UGGT1: variants seen among roughly 807,000 people sequenced by gnomAD.
UGGT1 encodes the protein UDP-glucose glycoprotein glucosyltransferase 1, also known as UDP-glucose:glycoprotein glucosyltransferase 1.
In UGGT1, 107 loss-of-function variants were observed where a neutral mutation model predicts 203.9. That is an observed-to-expected ratio of 0.52 (90% CI 0.45 to 0.62). The LOEUF (loss-of-function observed/expected upper bound fraction) is 0.62, where lower values mean the gene tolerates loss of function less well. UGGT1 is among the 20% of genes least tolerant of loss of function. UGGT1 has a pLI of 0.00. For missense variants in UGGT1, 1,673 were observed against 1,867.2 expected, an observed-to-expected ratio of 0.90 and a Z score of 1.92; for synonymous variants, 628 against 653.5, an observed-to-expected ratio of 0.96 and a Z score of 0.59.
At chr2:128,145,509 C>A (rs148179494) in intron 17 of UGGT1, 8 of 128,090 alleles carry the variant, frequency 6.2e-5, no homozygotes, top group Non-Finnish European at 9.9e-5. Context: ...CAAACACACA[C>A]ACACACACAC....
At chr2:128,125,184 T>A (rs1003004959) in intron 11 of UGGT1, among the ~76,000 whole-genome samples, 1 of 151,962 alleles carries the variant, frequency 6.6e-6, no homozygotes, top group Non-Finnish European at 1.5e-5. Context: ...CCCCATTATG[T>A]GTGTGGGGTC....
intron 1 of UGGT1, 150 bp downstream of exon 1, chr2:128,091,565 C>T: frequency 6.9e-7 from 1 of 1,441,712 alleles, no homozygotes; most frequent in Non-Finnish European, 9.1e-7. Context: ...TCGCGAGCGC[C>T]CCGAGTTGCC....
intron 28 of UGGT1, 159 bp downstream of exon 28, chr2:128,171,443 G>A (rs752418996): frequency 2.9e-6 from 2 of 678,662 alleles, no homozygotes; most frequent in Non-Finnish European, 4.9e-6. Context: ...CTAATCAGAA[G>A]TTCTAAGAAC....
chr2:128,122,767 A>G (rs575399882), intron 10 of UGGT1, among the ~76,000 whole-genome samples: 1 of 152,216 alleles, frequency 6.6e-6, no homozygotes, highest in Non-Finnish European at 1.5e-5. Context: ...GACATCATGT[A>G]GTGAATTCTC....
chr2:128,113,056 GT>G, intron 5 of UGGT1, 27 bp from the exon 6 acceptor site: 1 of 1,454,390 alleles, frequency 6.9e-7, no homozygotes. Flanking sequence ...TATTTTTAAA[GT>G]TTTGAGCTTT....
At position 128,156,375 on chromosome 2, in the gene UGGT1, T is replaced by A; in HGVS notation, c.2237-17T>A. The A allele has an allele frequency of 6.3e-7, 1 of 1,583,478 alleles. No individual in the cohort carries two copies. The highest frequency in any genetic ancestry group is 8.7e-7 in the Non-Finnish European group (1 of 1,153,654). On this transcript the variant is annotated splice_polypyrimidine_tract_variant and intron_variant, in intron 20 of 40. Transcript: ENST00000259253. ...ATGATACTTTTTTTCTACTCTTTTCTCTTTACCTTTGTTCAGGAATGTCCT... is the reference window on the plus strand; with the variant it reads ...ATGATACTTTTTTTCTACTCTTTTCACTTTACCTTTGTTCAGGAATGTCCT...
In UGGT1 at chr2:128,152,855, T is replaced by C; in HGVS notation, c.2088T>C (p.Asn696=). 6 of 1,614,090 alleles carry C rather than the reference T, an allele frequency of 3.7e-6. No individual in the cohort carries two copies. Among genetic ancestry groups the C allele is most frequent in the Non-Finnish European group, 5.1e-6 (6 of 1,180,000 alleles). The change falls in exon 19 of 41, where the codon AAT becomes AAC. Residue 696 remains asparagine (N), a synonymous_variant. Transcript: ENST00000259253. ...AGCCAAATGTTGTTCCACGAATCAA[T>C]TCTAGGATTTTGACAGCTGAACGAG... ...MNQPNVVPRI[N]SRILTAERDY... is the part of the protein sequence containing the mutation.
intron 17 of UGGT1, 48 bp from the exon 18 acceptor site, chr2:128,145,755 C>T: frequency 6.8e-7 from 1 of 1,469,610 alleles, no homozygotes; most frequent in Non-Finnish European, 9.0e-7. Flanking sequence ...TTCCATTTGT[C>T]TCACAAAAGG....
chr2:128,175,469 G>T (rs1691324430), intron 31 of UGGT1, among the ~76,000 whole-genome samples: 1 of 152,222 alleles, frequency 6.6e-6, no homozygotes, highest in African/African-American at 2.4e-5. Context: ...GTGTGAAGAG[G>T]CTTCCCGTCA....
chr2:128,121,616 A>G (rs149674239), intron 10 of UGGT1, among the ~76,000 whole-genome samples: 2 of 152,246 alleles, frequency 1.3e-5, no homozygotes, highest in African/African-American at 4.8e-5. Flanking sequence ...TGTGTTGGCC[A>G]GGCTAGTCTT....
chr2:128,145,377 C>T (rs1689631153), intron 17 of UGGT1, among the ~76,000 whole-genome samples: 1 of 152,168 alleles, frequency 6.6e-6, no homozygotes, highest in South Asian at 2.1e-4. Flanking sequence ...TTAGTGACTA[C>T]TGCATTGGAC....
At chr2:128,147,325 A>G (rs973039046) in intron 18 of UGGT1, among the ~76,000 whole-genome samples, 13 of 152,234 alleles carry the variant, frequency 8.5e-5, no homozygotes, top group African/African-American at 3.1e-4. Flanking sequence ...CCAGATTTCT[A>G]TTTGGTTCTT....
In UGGT1 at chr2:128,190,780, A is replaced by G. The variant is rs1028516385; in HGVS notation, c.*1038A>G. The G allele has an allele frequency of 2.0e-5, 3 of 152,162 alleles. No individual in the cohort carries two copies. The highest frequency in any genetic ancestry group is 6.6e-5 in the Admixed American group (1 of 15,252). 9.4% of individuals were successfully genotyped at this position (152,162 alleles called of 1,614,324 possible). A position where few individuals can be genotyped will look rare whatever the true frequency, so the allele number is the denominator to read the frequency against. ...ACATTGCCTTGGACTTTTCTCTACA[A>G]ATGCCCTCAGATGTAAGACCAGAAA... On this transcript the variant is annotated 3_prime_UTR_variant, in exon 41 of 41. Coordinates refer to ENST00000259253, the MANE Select transcript of UGGT1 (RefSeq NM_020120.4).
In UGGT1 at chr2:128,175,149, G is replaced by T. The variant is rs73955977; in HGVS notation, c.3539+291G>T. On this transcript the variant is annotated intron_variant, in intron 31 of 40. Coordinates refer to ENST00000259253, the MANE Select transcript of UGGT1 (RefSeq NM_020120.4). ...TTCTATCAGTGTGATGCGGCTCATAGATAGGCAGATGAGAAACTTGAAGAA... is the reference window on the plus strand; with the variant it reads ...TTCTATCAGTGTGATGCGGCTCATATATAGGCAGATGAGAAACTTGAAGAA... Among the ~76,000 whole-genome samples the T allele has an allele frequency of 4.1e-3, 628 of 152,306 alleles. 5 individuals carry two copies. Among genetic ancestry groups the T allele is most frequent in the African/African-American group, 0.013 (550 of 41,552 alleles).
rs150101912 is a variant in UGGT1 at position 128,112,754 on chromosome 2, C to T, written c.522-330C>T. ...CATGCCACCATACCCAGCTAATTTT[C>T]GTTATTTATTGTAGAGTCGAGGTTT... is the stretch of plus-strand genomic sequence containing the variant. On this transcript the variant is annotated intron_variant, in intron 5 of 40. Coordinates refer to ENST00000259253, the MANE Select transcript of UGGT1 (RefSeq NM_020120.4). Among the ~76,000 whole-genome samples the T allele has an allele frequency of 1.8e-3, 278 of 151,114 alleles. 2 individuals carry two copies. Among genetic ancestry groups the T allele is most frequent in the African/African-American group, 6.3e-3 (261 of 41,286 alleles).
chr2:128,175,702 G>A (rs1430865528), intron 31 of UGGT1, among the ~76,000 whole-genome samples: 1 of 152,218 alleles, frequency 6.6e-6, no homozygotes, highest in Non-Finnish European at 1.5e-5. Flanking sequence ...AATTTGGGAT[G>A]CACTTCCGAA....
intron 6 of UGGT1, 38 bp downstream of exon 6, chr2:128,113,296 A>G: frequency 1.3e-6 from 2 of 1,506,206 alleles, no homozygotes; most frequent in Non-Finnish European, 1.8e-6. Context: ...TTTGAATGTA[A>G]TTTGCCTAGC....
intron 18 of UGGT1, among the ~76,000 whole-genome samples, chr2:128,150,142 AAGAT>A (rs1558796017): frequency 6.6e-6 from 1 of 152,166 alleles, no homozygotes; most frequent in Non-Finnish European, 1.5e-5. Context: ...GCACTACAAA[AAGAT>A]GTGTTATCAG....
At chr2:128,111,866 G>A (rs6430985) in intron 5 of UGGT1, among the ~76,000 whole-genome samples, 136,683 of 151,782 alleles carry the variant, frequency 0.9, 62,320 homozygotes, top group Non-Finnish European at 0.98. Context: ...TTGGCCAGCC[G>A]TGGTGGCTTA....
Sources: gnomAD v4.1 joint callset for allele counts (sites outside exome capture counted in the v4.1 genomes callset) on GRCh38, gnomAD v4.1.1 for gene constraint, MANE v1.5 for transcripts, NCBI Gene and HGNC (gene_info 2026-07-23, HGNC 2026-07-21) for gene names.